Variants in BACH2 observed in about 807,000 individuals in gnomAD.
BACH2 encodes the protein transcription regulator protein BACH2.
Under a neutral mutation model 61.8 loss-of-function variants are expected in BACH2, and 5 were observed. That is an observed-to-expected ratio of 0.08 (90% CI 0.04 to 0.17). The LOEUF (loss-of-function observed/expected upper bound fraction) is 0.17. BACH2 is among the 10% of genes least tolerant of loss of function. The pLI is 1.00. For missense variants in BACH2, 824 were observed against 1,091.1 expected (o/e 0.76, Z 3.45); for synonymous variants, 446 against 440.1 (o/e 1.01, Z -0.17).
At chr6:90,118,796 C>CACAGT (rs566792275) in intron 4 of BACH2, among the ~76,000 whole-genome samples, 43 of 152,266 alleles carry the variant, frequency 2.8e-4, no homozygotes, top group Non-Finnish European at 4.4e-4. Flanking sequence ...AAGGTGGCAG[C>CACAGT]ACAGTACAGT....
intron 7 of BACH2, among the ~76,000 whole-genome samples, chr6:89,940,988 C>T (rs1773396217): frequency 6.6e-6 from 1 of 152,048 alleles, no homozygotes. Context: ...GACAGTGCCA[C>T]TCTAGGAGAC....
At chr6:90,220,425 G>A (rs535940076) in intron 3 of BACH2, among the ~76,000 whole-genome samples, 5 of 152,316 alleles carry the variant, frequency 3.3e-5, no homozygotes, top group Non-Finnish European at 7.3e-5. Context: ...TGACTAACCA[G>A]AATGTCAGAT....
chr6:89,975,139 A>C (rs1043284918), intron 6 of BACH2, among the ~76,000 whole-genome samples: 1 of 152,010 alleles, frequency 6.6e-6, no homozygotes, highest in Non-Finnish European at 1.5e-5. Context: ...CTTCATGATG[A>C]TGTTTTCTGG....
intron 3 of BACH2, among the ~76,000 whole-genome samples, chr6:90,219,079 A>C (rs1230389560): frequency 6.6e-6 from 1 of 152,068 alleles, no homozygotes; most frequent in Non-Finnish European, 1.5e-5. Context: ...AAAAGAAAAA[A>C]AATTGTTGTT....
At chr6:90,147,132 A>G (rs751641065) in intron 4 of BACH2, among the ~76,000 whole-genome samples, 4 of 152,180 alleles carry the variant, frequency 2.6e-5, no homozygotes, top group Non-Finnish European at 5.9e-5. Context: ...TATATGCAAT[A>G]TTTAAAAAAA....
intron 4 of BACH2, among the ~76,000 whole-genome samples, chr6:90,108,386 C>T (rs566817722): frequency 1.2e-4 from 18 of 152,190 alleles, no homozygotes; most frequent in South Asian, 2.1e-4. Flanking sequence ...TCTCAAAAGG[C>T]GAAAAGAGAC....
intron 4 of BACH2, among the ~76,000 whole-genome samples, chr6:90,174,879 T>C (rs974838689): frequency 2.0e-5 from 3 of 150,976 alleles, no homozygotes; most frequent in Admixed American, 6.6e-5. Flanking sequence ...GATATATATA[T>C]GGTAAAATTA....
At chr6:90,057,419 C>T (rs1032569798) in intron 5 of BACH2, among the ~76,000 whole-genome samples, 3 of 152,120 alleles carry the variant, frequency 2.0e-5, no homozygotes, top group Admixed American at 2.0e-4. Context: ...CAAGACTAAA[C>T]CAGGAACAAG....
At chr6:90,011,903 C>A (rs1471527442) in intron 5 of BACH2, among the ~76,000 whole-genome samples, 1 of 149,284 alleles carries the variant, frequency 6.7e-6, no homozygotes, top group Admixed American at 6.7e-5. Flanking sequence ...CTGGGTGACA[C>A]AGCAAGACTC....
At chr6:89,937,328 A>C (rs1035574663) in intron 8 of BACH2, among the ~76,000 whole-genome samples, 2 of 152,156 alleles carry the variant, frequency 1.3e-5, no homozygotes, top group Non-Finnish European at 2.9e-5. Context: ...ACAAGACACG[A>C]TTTGGAATCA....
intron 5 of BACH2, among the ~76,000 whole-genome samples, chr6:90,072,715 C>G (rs960955260): frequency 3.3e-5 from 5 of 152,160 alleles, no homozygotes; most frequent in Non-Finnish European, 7.3e-5. Context: ...AAGAAAAACA[C>G]CTTTCACAAA....
At chr6:89,993,179 C>A (rs1410360813) in intron 6 of BACH2, among the ~76,000 whole-genome samples, 1 of 152,130 alleles carries the variant, frequency 6.6e-6, no homozygotes, top group Admixed American at 6.5e-5. Context: ...GTTTAAGCCA[C>A]CCAGCCTGTG....
At chr6:90,090,004 T>C (rs1353436457) in intron 4 of BACH2, among the ~76,000 whole-genome samples, 4 of 152,216 alleles carry the variant, frequency 2.6e-5, no homozygotes, top group Non-Finnish European at 4.4e-5. Flanking sequence ...CCCCTTTTGA[T>C]TTCTGAAAAC....
intron 2 of BACH2, among the ~76,000 whole-genome samples, chr6:90,260,941 C>T (rs1193901503): frequency 6.6e-6 from 1 of 152,190 alleles, no homozygotes; most frequent in African/African-American, 2.4e-5. Context: ...CTGTGTCCCA[C>T]AGGAATGAGC....
At chr6:90,268,684 A>G (rs1166264223) in intron 2 of BACH2, among the ~76,000 whole-genome samples, 3 of 152,188 alleles carry the variant, frequency 2.0e-5, no homozygotes, top group Non-Finnish European at 4.4e-5. Flanking sequence ...ACATACTGGA[A>G]ATTAAAAACA....
At chr6:90,110,299 C>A (rs895654300) in intron 4 of BACH2, among the ~76,000 whole-genome samples, 1 of 152,160 alleles carries the variant, frequency 6.6e-6, no homozygotes, top group African/African-American at 2.4e-5. Flanking sequence ...AAATGTGGTA[C>A]CTGAAAATCT....
chr6:90,017,319 G>A (rs756543746), intron 5 of BACH2, among the ~76,000 whole-genome samples: 2 of 151,720 alleles, frequency 1.3e-5, no homozygotes, highest in African/African-American at 4.8e-5. Context: ...TCCTGGGTTC[G>A]AGTGATTCTC....
At chr6:90,087,737 T>A (rs949907806) in intron 5 of BACH2, among the ~76,000 whole-genome samples, 2 of 151,864 alleles carry the variant, frequency 1.3e-5, no homozygotes, top group African/African-American at 4.8e-5. Context: ...GTTTTTTTTT[T>A]ATTTTTAACT....
intron 2 of BACH2, among the ~76,000 whole-genome samples, chr6:90,260,677 T>C (rs1195409026): frequency 2.0e-5 from 3 of 152,218 alleles, no homozygotes; most frequent in Non-Finnish European, 2.9e-5. Context: ...CTTAATAATA[T>C]ACACATTTCG....
Sources: allele counts gnomAD v4.1 joint callset (sites outside exome capture counted in the v4.1 genomes callset), GRCh38; gene constraint gnomAD v4.1.1; transcripts MANE v1.5; gene names NCBI Gene and HGNC (gene_info 2026-07-23, HGNC 2026-07-21).